Variants in ADK observed in about 807,000 individuals in gnomAD.
ADK encodes the protein adenosine kinase, also known as N6,N6-dimethyladenosine kinase.
Under a neutral mutation model 44.7 loss-of-function variants are expected in ADK, and 24 were observed. The ratio of observed to expected loss-of-function variants is 0.54; its 90% CI spans 0.39 to 0.76. The LOEUF is 0.76. Among genes scored for constraint, ADK ranks in the 30% least tolerant of loss-of-function variants. The pLI is 0.00. For synonymous variants in ADK, 128 were observed against 142.6 expected (o/e 0.90, Z 0.73); for missense variants, 321 against 425.1 (o/e 0.76, Z 2.15).
At chr10:74,631,955 T>C (rs929069880) in intron 9 of ADK, among the ~76,000 whole-genome samples, 1 of 152,164 alleles carries the variant, frequency 6.6e-6, no homozygotes, top group African/African-American at 2.4e-5. Context: ...TCTTTTTTTT[T>C]CTAACAGCTT....
Position 74,702,211 on chromosome 10 carries a change from G to A in ADK, c.965-6110G>A, listed in dbSNP as rs184241043. Among the ~76,000 whole-genome samples, 415 of 148,216 alleles carry A rather than the reference G, an allele frequency of 2.8e-3. 4 individuals are homozygous for A. Among genetic ancestry groups the A allele is most frequent in the African/African-American group, 1.0e-2 (402 of 40,324 alleles). On this transcript the variant is annotated intron_variant, in intron 10 of 10. Transcript: ENST00000539909. ...TGTGATTTTTTTTTTTTTTTGAGAT[G>A]GAGTCTCTGTCGCCTCGGCTGGAGT... is the stretch of plus-strand genomic sequence containing the variant.
intron 4 of ADK, among the ~76,000 whole-genome samples, chr10:74,368,007 A>G (rs2131964031): frequency 6.6e-6 from 1 of 152,352 alleles, no homozygotes; most frequent in East Asian, 1.9e-4. Context: ...ATGTAAATAT[A>G]AATTGTTAAA....
chr10:74,637,390 T>G (rs1853655180), intron 9 of ADK, among the ~76,000 whole-genome samples: 1 of 152,228 alleles, frequency 6.6e-6, no homozygotes, highest in African/African-American at 2.4e-5. Flanking sequence ...TAACTACATA[T>G]AGCTTACCTG....
At chr10:74,185,452 T>C (rs79725604) in intron 1 of ADK, among the ~76,000 whole-genome samples, 2,750 of 151,982 alleles carry the variant, frequency 0.018, 45 homozygotes, top group Non-Finnish European at 0.026. Flanking sequence ...TATGGAAGGA[T>C]TGGCTTTACG....
chr10:74,503,992 T>A (rs1482785159), intron 6 of ADK, among the ~76,000 whole-genome samples: 2 of 152,094 alleles, frequency 1.3e-5, no homozygotes, highest in Admixed American at 1.3e-4. Flanking sequence ...ATAAAGTACT[T>A]CCATTTTCCA....
At chr10:74,409,388 G>A (rs965502022) in intron 6 of ADK, among the ~76,000 whole-genome samples, 3 of 152,076 alleles carry the variant, frequency 2.0e-5, no homozygotes, top group Admixed American at 6.5e-5. Flanking sequence ...CTTACCCTGC[G>A]TAAACAAGGT....
intron 10 of ADK, among the ~76,000 whole-genome samples, chr10:74,694,440 G>T (rs1357975438): frequency 2.6e-5 from 4 of 151,286 alleles, no homozygotes; most frequent in Admixed American, 2.6e-4. Flanking sequence ...CTCTTTAAAG[G>T]TATCATATGC....
intron 7 of ADK, among the ~76,000 whole-genome samples, chr10:74,542,410 G>A (rs1167347349): frequency 6.6e-6 from 1 of 152,162 alleles, no homozygotes; most frequent in Admixed American, 6.5e-5. Flanking sequence ...AATTTACTAA[G>A]AGCTCAATAT....
intron 6 of ADK, among the ~76,000 whole-genome samples, chr10:74,403,120 G>A (rs1259630510): frequency 6.6e-6 from 1 of 152,082 alleles, no homozygotes; most frequent in East Asian, 1.9e-4. Flanking sequence ...GTCTCAGAGG[G>A]GCGCCCAGTT....
At chr10:74,180,575 C>T (rs1381894493) in intron 1 of ADK, among the ~76,000 whole-genome samples, 1 of 151,430 alleles carries the variant, frequency 6.6e-6, no homozygotes, top group African/African-American at 2.4e-5. Context: ...TCTCCTGCCT[C>T]AGCCTCTCTA....
chr10:74,204,995 G>A (rs1387833863), intron 2 of ADK, among the ~76,000 whole-genome samples: 3 of 118,562 alleles, frequency 2.5e-5, no homozygotes, highest in African/African-American at 3.3e-5. Flanking sequence ...AGCTGAAATT[G>A]CACCATTGCA....
intron 9 of ADK, among the ~76,000 whole-genome samples, chr10:74,644,381 G>A (rs1333559131): frequency 6.6e-6 from 1 of 152,158 alleles, no homozygotes; most frequent in African/African-American, 2.4e-5. Flanking sequence ...GTGTACAGTG[G>A]CCCCATTTTC....
chr10:74,474,760 G>A (rs890799143), intron 6 of ADK, among the ~76,000 whole-genome samples: 1 of 152,118 alleles, frequency 6.6e-6, no homozygotes, highest in African/African-American at 2.4e-5. Context: ...CTAGGCTCAA[G>A]CAATCCTCAC....
intron 5 of ADK, among the ~76,000 whole-genome samples, chr10:74,394,948 C>G (rs889464913): frequency 1.3e-5 from 2 of 152,142 alleles, no homozygotes; most frequent in African/African-American, 4.8e-5. Flanking sequence ...TCAGGCCCCT[C>G]CATATATTGG....
intron 9 of ADK, among the ~76,000 whole-genome samples, chr10:74,610,919 A>G (rs537829642): frequency 7.9e-5 from 12 of 152,150 alleles, no homozygotes; most frequent in African/African-American, 2.4e-4. Flanking sequence ...CCAAGTTTCT[A>G]TACTAAATAA....
chr10:74,708,346 C>T lies in ADK; in HGVS notation c.990C>T (p.Asp330=), dbSNP rs80163732. The change falls in exon 11 of 11, where the codon GAC becomes GAT. Residue 330 remains aspartate (D), a synonymous_variant. Transcript: ENST00000539909. The part of the protein sequence containing the change: ...VGGFLSQLVS[D]KPLTECIRAG... The stretch of plus-strand genomic sequence containing the variant: ...GTTTTCTGTCTCAACTGGTCTCTGA[C>T]AAGCCTCTGACTGAATGTATCCGTG... The T allele has an allele frequency of 4.3e-6, 7 of 1,611,560 alleles. No homozygotes were observed. The highest frequency in any genetic ancestry group is 5.9e-6 in the Non-Finnish European group (7 of 1,179,160).
intron 1 of ADK, chr10:74,176,583 C>G: frequency 7.3e-7 from 1 of 1,362,576 alleles, no homozygotes; most frequent in Non-Finnish European, 9.5e-7. Context: ...ACCGCGCCCG[C>G]TAGTCATCTC....
At chr10:74,544,265 T>C (rs1322032077) in intron 7 of ADK, among the ~76,000 whole-genome samples, 1 of 152,226 alleles carries the variant, frequency 6.6e-6, no homozygotes, top group Non-Finnish European at 1.5e-5. Context: ...GTTCCAATTA[T>C]TTAATCACAA....
chr10:74,589,317 G>A lies in ADK; in HGVS notation c.762G>A (p.Glu254=). 1 of 1,613,336 alleles carries A rather than the reference G, an allele frequency of 6.2e-7. No individual in the cohort carries two copies. The highest frequency in any genetic ancestry group is 1.3e-5 in the African/African-American group (1 of 74,848). The change falls in exon 8 of 11, where the codon GAG becomes GAA. Residue 254 remains glutamate, a splice_region_variant and synonymous_variant. Coordinates refer to ENST00000539909, the MANE Select transcript of ADK (RefSeq NM_006721.4). ...CTTTTGCTAGAGAGCAAGGCTTTGA[G>A]GTGAGTTAACCCACAATTGCACACT... is the stretch of plus-strand genomic sequence containing the variant. ...AATFAREQGF[E]TKDIKEIAKK... is the part of the protein sequence containing the mutation.
Sources: allele counts gnomAD v4.1 joint callset (sites outside exome capture counted in the v4.1 genomes callset), GRCh38; gene constraint gnomAD v4.1.1; transcripts MANE v1.5; gene names NCBI Gene and HGNC (gene_info 2026-07-23, HGNC 2026-07-21).